UCKL1: variants seen among roughly 807,000 people sequenced by gnomAD.
UCKL1 encodes uridine-cytidine kinase-like 1.
A neutral mutation model predicts 59.2 loss-of-function variants in UCKL1; 65 were observed. The ratio of observed to expected loss-of-function variants is 1.10; its 90% confidence interval spans 0.90 to 1.35. The LOEUF (loss-of-function observed/expected upper bound fraction) is 1.35. Ranked by LOEUF, UCKL1 falls within the 40% of genes most tolerant of loss-of-function variation. The pLI, the probability that UCKL1 is intolerant of heterozygous loss-of-function variation, is 0.00. For synonymous variants in UCKL1, 410 were observed against 323.1 expected, an observed-to-expected ratio of 1.27 and a Z score of -2.88; for missense variants, 703 against 784.3, an observed-to-expected ratio of 0.90 and a Z score of 1.24.
chr20:63,942,683 C>A, intron 8 of UCKL1: 1 of 503,218 alleles, frequency 2.0e-6, no homozygotes, highest in Non-Finnish European at 4.1e-6. Context: ...CCAAGGCTTC[C>A]TGGGGCTGAA....
chr20:63,942,639 C>G (rs1306514496), intron 8 of UCKL1: 2 of 534,438 alleles, frequency 3.7e-6, no homozygotes, highest in Non-Finnish European at 7.1e-6. Flanking sequence ...CGGTCAGGCC[C>G]CCAGCCCTGC....
At position 63,946,114 on chromosome 20, in the gene UCKL1, C is replaced by T. The variant is rs780933737; in HGVS notation, c.411+47G>A. The stretch of plus-strand genomic sequence containing the variant: ...CCTACTTTTGCAGGGGGTCCAGGGT[C>T]AGGGAGAGGACAAAGGGGTCCTCGG... On this transcript the variant is annotated intron_variant, in intron 3 of 14. Coordinates refer to ENST00000354216, the MANE Select transcript of UCKL1 (RefSeq NM_017859.4). The T allele has an allele frequency of 3.1e-6, 5 of 1,608,842 alleles. No individual in the cohort carries two copies. The South Asian group carries it at 3.3e-5, about 11-fold the overall frequency.
chr20:63,948,297 G>C (rs6062594), intron 1 of UCKL1: 4 of 152,206 alleles, frequency 2.6e-5, no homozygotes, highest in African/African-American at 9.6e-5. Flanking sequence ...GGAAAGCTCC[G>C]CAAACGGCAG....
intron 8 of UCKL1, 53 bp from the exon 9 acceptor site, chr20:63,941,261 C>T (rs1198398839): frequency 6.9e-7 from 1 of 1,455,054 alleles, no homozygotes; most frequent in Non-Finnish European, 9.1e-7. Flanking sequence ...TCCCAGAGCC[C>T]TCCCTCCCCA....
At chr20:63,944,781 C>T in intron 5 of UCKL1, 47 bp from the exon 6 acceptor site, 1 of 1,600,422 alleles carries the variant, frequency 6.2e-7, no homozygotes. Context: ...CAGCAGTGGG[C>T]ATGGAGACAC....
At position 63,941,478 on chromosome 20, in the gene UCKL1, C is replaced by A. The variant is rs1200209548; in HGVS notation, c.924-270G>T. ...GCGGGGTAGGCTGTGAGGGCCCCTC[C>A]CAGTGCGGGACCCCTCCTGCGCTAA... On this transcript the variant is annotated intron_variant, in intron 8 of 14. Coordinates refer to ENST00000354216, the MANE Select transcript of UCKL1 (RefSeq NM_017859.4). 7.8e-6 allele frequency: 4 copies of A among 511,248 alleles called. No homozygotes were observed. In the East Asian group the frequency reaches 1.1e-4, roughly 14 times the overall value. 31.7% of individuals were successfully genotyped at this position (511,248 alleles called of 1,614,324 possible).
intron 1 of UCKL1, among the ~76,000 whole-genome samples, chr20:63,949,657 G>C (rs371562023): frequency 6.6e-6 from 1 of 152,218 alleles, no homozygotes. Context: ...CCTGGAGGCC[G>C]TGGTGGGCAG....
At chr20:63,950,936 G>C in intron 1 of UCKL1, 1 of 1,373,818 alleles carries the variant, frequency 7.3e-7, no homozygotes. Context: ...CAGACCCACA[G>C]CAGTCCCCTA....
intron 1 of UCKL1, chr20:63,948,298 C>T (rs1468153804): frequency 6.6e-6 from 1 of 152,142 alleles, no homozygotes; most frequent in Non-Finnish European, 1.5e-5. Flanking sequence ...GAAAGCTCCG[C>T]AAACGGCAGG....
At chr20:63,950,178 G>T (rs1318354261) in intron 1 of UCKL1, among the ~76,000 whole-genome samples, 1 of 152,158 alleles carries the variant, frequency 6.6e-6, no homozygotes, top group African/African-American at 2.4e-5. Context: ...CTGTGACGGC[G>T]TCAGGCTGAG....
intron 13 of UCKL1, 34 bp downstream of exon 13, chr20:63,940,344 C>T (rs2054033572): frequency 6.2e-7 from 1 of 1,611,768 alleles, no homozygotes; most frequent in Non-Finnish European, 8.5e-7. Flanking sequence ...CCACCTCTGC[C>T]TGAACCTGCC....
At chr20:63,954,468 T>G (rs1223420841) in intron 1 of UCKL1, 2 of 152,188 alleles carry the variant, frequency 1.3e-5, no homozygotes, top group African/African-American at 4.8e-5. Context: ...ACCCCAGCCC[T>G]GGGGACAGAC....
At chr20:63,955,467 ATC>A (rs1019683635) in intron 1 of UCKL1, 4 of 152,168 alleles carry the variant, frequency 2.6e-5, no homozygotes, top group African/African-American at 4.8e-5. Context: ...AGCGCAGCCC[ATC>A]TCTGAGGGAG....
intron 1 of UCKL1, among the ~76,000 whole-genome samples, chr20:63,952,804 A>G (rs918590792): frequency 1.3e-5 from 2 of 152,232 alleles, no homozygotes; most frequent in South Asian, 2.1e-4. Flanking sequence ...GCACAGTCGA[A>G]TGTGGCTCAG....
intron 2 of UCKL1, 82 bp from the exon 3 acceptor site, chr20:63,946,349 C>T (rs2056200590): frequency 5.2e-6 from 8 of 1,531,412 alleles, no homozygotes; most frequent in Non-Finnish European, 5.3e-6. Context: ...CATCCCGCTG[C>T]CGCTGCCTGC....
chr20:63,955,865 A>C, intron 1 of UCKL1: 1 of 159,316 alleles, frequency 6.3e-6, no homozygotes, highest in Admixed American at 6.5e-5. Flanking sequence ...CAGCACCTCC[A>C]AATCCTAAGC....
In UCKL1 at chr20:63,944,465, C is replaced by CGGGATGGGGGGGCGG; in HGVS notation, c.845-22_845-8dup. 1.5e-6 allele frequency: 1 copy of CGGGATGGGGGGGCGG among 645,520 alleles called. No homozygotes were observed. Among genetic ancestry groups the CGGGATGGGGGGGCGG allele is most frequent in the Non-Finnish European group, 2.6e-6 (1 of 378,308 alleles). 40.0% of individuals were successfully genotyped at this position (645,520 alleles called of 1,614,324 possible). ...GCCACCGTGTTGCCGCTCCCTGGGGCGGGATGGGGGGGCGGGTGACCGGGG... is the reference window on the plus strand; with the variant it reads ...GCCACCGTGTTGCCGCTCCCTGGGGCGGGATGGGGGGGCGGGGGATGGGGGGGCGGGTGACCGGGG... On this transcript the variant is annotated splice_polypyrimidine_tract_variant and splice_region_variant and intron_variant, in intron 6 of 14. Transcript: ENST00000354216.
intron 7 of UCKL1, among the ~76,000 whole-genome samples, chr20:63,944,083 C>A (rs1238455277): frequency 6.6e-6 from 1 of 152,218 alleles, no homozygotes; most frequent in African/African-American, 2.4e-5. Context: ...CAATCCTGGG[C>A]CAGCAGGTCA....
chr20:63,947,080 C>CA (rs769813935), intron 1 of UCKL1, among the ~76,000 whole-genome samples: 2,733 of 140,182 alleles, frequency 0.019, 52 homozygotes, highest in African/African-American at 0.051. Flanking sequence ...GACTCCACCT[C>CA]AAAAAAAAAA....
Sources: allele counts gnomAD v4.1 joint callset (sites outside exome capture counted in the v4.1 genomes callset), GRCh38; gene constraint gnomAD v4.1.1; transcripts MANE v1.5; gene names NCBI Gene and HGNC (gene_info 2026-07-23, HGNC 2026-07-21).